GNAI1: variants seen among roughly 807,000 people sequenced by gnomAD.
GNAI1 encodes G protein subunit alpha i1.
A neutral mutation model predicts 38.9 loss-of-function variants in GNAI1; 11 were observed. The ratio of observed to expected loss-of-function variants is 0.28; its 90% CI spans 0.18 to 0.47. The LOEUF (loss-of-function observed/expected upper bound fraction) is 0.47, where lower values mean the gene tolerates loss of function less well. Ranked by LOEUF, GNAI1 falls within the 20% of genes least tolerant of loss-of-function variation. GNAI1 has a pLI of 0.99. For synonymous variants in GNAI1, 166 were observed against 145.1 expected, an observed-to-expected ratio of 1.14 and a Z score of -1.04; for missense variants, 317 against 436.9, an observed-to-expected ratio of 0.73 and a Z score of 2.45.
At chr7:80,204,974 C>T (rs1323474595) in intron 5 of GNAI1, among the ~76,000 whole-genome samples, 1 of 152,040 alleles carries the variant, frequency 6.6e-6, no homozygotes, top group African/African-American at 2.4e-5. Flanking sequence ...TATTTCAGTA[C>T]ATTGAAGCTA....
intron 5 of GNAI1, among the ~76,000 whole-genome samples, chr7:80,209,622 G>T (rs573690301): frequency 6.6e-6 from 1 of 152,254 alleles, no homozygotes; most frequent in South Asian, 2.1e-4. Flanking sequence ...GGAAATGTGG[G>T]CTAGGGTCAT....
intron 1 of GNAI1, among the ~76,000 whole-genome samples, chr7:80,148,320 C>A (rs1343696990): frequency 6.6e-6 from 1 of 151,854 alleles, no homozygotes; most frequent in Middle Eastern, 3.2e-3. Flanking sequence ...ATTAGCAGTC[C>A]CATCTGAAAT....
At chr7:80,210,459 G>A (rs143400262) in intron 5 of GNAI1, among the ~76,000 whole-genome samples, 1 of 152,118 alleles carries the variant, frequency 6.6e-6, no homozygotes, top group East Asian at 1.9e-4. Flanking sequence ...TACCTGAAAT[G>A]GTTTCTTCTT....
At chr7:80,150,260 A>G (rs913274031) in intron 1 of GNAI1, among the ~76,000 whole-genome samples, 1 of 152,224 alleles carries the variant, frequency 6.6e-6, no homozygotes, top group African/African-American at 2.4e-5. Context: ...CAAAATTTCA[A>G]AAGAACTAAA....
At chr7:80,135,648 A>AACC (rs1787396876) in intron 1 of GNAI1, 1 of 38,292 alleles carries the variant, frequency 2.6e-5, no homozygotes, top group Non-Finnish European at 4.6e-5. Flanking sequence ...AAATGAAAAC[A>AACC]CCCCCCCCCC....
chr7:80,225,556 A>G lies in GNAI1; in HGVS notation c.*8063A>G, dbSNP rs1403364046. On this transcript the variant is annotated 3_prime_UTR_variant, in exon 8 of 8. Coordinates refer to ENST00000649796, the MANE Select transcript of GNAI1 (RefSeq NM_002069.6). ...ACTGGGCTGAGCACAGTCATGCATT[A>G]AAAAAGCTTCTGAACTTATTTTGGA... 6.6e-6 allele frequency among the ~76,000 whole-genome samples: 1 copy of G among 152,122 alleles called. No homozygotes were observed. Among genetic ancestry groups the G allele is most frequent in the East Asian group, 1.9e-4 (1 of 5,190 alleles).
At chr7:80,195,118 A>G in intron 3 of GNAI1, among the ~76,000 whole-genome samples, 1 of 151,922 alleles carries the variant, frequency 6.6e-6, no homozygotes, top group East Asian at 1.9e-4. Context: ...TTCTCTTGTC[A>G]ATACCAGGAA....
intron 5 of GNAI1, among the ~76,000 whole-genome samples, chr7:80,208,053 A>G (rs1210672348): frequency 6.6e-6 from 1 of 152,102 alleles, no homozygotes; most frequent in African/African-American, 2.4e-5. Flanking sequence ...TTTGATATCC[A>G]TATATGGTTA....
chr7:80,218,978 G>A lies in GNAI1; in HGVS notation c.*1485G>A, dbSNP rs11767465. ...AAAGGTTAGTCTTTCAGTACACGTT[G>A]CTGGTAAGTAGTTTCCAAGTTACGT... On this transcript the variant is annotated 3_prime_UTR_variant, in exon 8 of 8. Transcript: ENST00000649796. 0.54 allele frequency: 81,424 copies of A among 151,608 alleles called. 22,915 individuals are homozygous for A. The highest frequency in any genetic ancestry group is 0.8 in the East Asian group (4,087 of 5,132). The allele number at this position is 151,608 out of a possible 1,614,324, so 9.4% of individuals were successfully genotyped here.
At chr7:80,162,568 A>G (rs900248740) in intron 1 of GNAI1, among the ~76,000 whole-genome samples, 1 of 152,206 alleles carries the variant, frequency 6.6e-6, no homozygotes, top group Non-Finnish European at 1.5e-5. Flanking sequence ...AATCAGCTGA[A>G]TTCTTTTCAG....
intron 3 of GNAI1, among the ~76,000 whole-genome samples, chr7:80,193,556 TGAAGTAAAATTTTA>T (rs1788517177): frequency 6.6e-6 from 1 of 152,198 alleles, no homozygotes; most frequent in African/African-American, 2.4e-5. Context: ...ATGTTTCTAA[TGAAGTAAAATTTTA>T]GAAGCTTTAC....
chr7:80,180,827 C>T (rs749544609), intron 1 of GNAI1, among the ~76,000 whole-genome samples: 29 of 152,134 alleles, frequency 1.9e-4, no homozygotes, highest in Non-Finnish European at 4.3e-4. Flanking sequence ...ATATGTTCTC[C>T]TGACTGGGCT....
chr7:80,205,733 G>T (rs186938168), intron 5 of GNAI1, among the ~76,000 whole-genome samples: 1 of 152,026 alleles, frequency 6.6e-6, no homozygotes, highest in African/African-American at 2.4e-5. Flanking sequence ...TACAAAAGCA[G>T]AAAGCAGAAT....
rs1789025450 is a variant in GNAI1, at chr7:80,219,025, ATTTG to A, written c.*1534_*1537del. 4.0e-5 allele frequency: 2 copies of A among 49,602 alleles called. No individual in the cohort carries two copies. The highest frequency in any genetic ancestry group is 1.8e-4 in the African/African-American group (2 of 11,052). The allele number at this position is 49,602 out of a possible 1,614,324, so 3.1% of individuals were successfully genotyped here. On this transcript the variant is annotated 3_prime_UTR_variant, in exon 8 of 8. Transcript: ENST00000649796. The stretch of plus-strand genomic sequence containing the variant: ...ACGTGTTGTCACTGGGTTGAAGTAT[ATTTG>A]TGTGTGTGTGTGTGTGTGTGTGTGT...
rs1250156874 is a variant in GNAI1, at chr7:80,186,117, C to T, written c.119-2834C>T. 1.7e-4 allele frequency among the ~76,000 whole-genome samples: 25 copies of T among 147,300 alleles called. 1 individual carries two copies. Among genetic ancestry groups the T allele is most frequent in the Non-Finnish European group, 5.9e-5 (4 of 67,494 alleles). On this transcript the variant is annotated intron_variant, in intron 1 of 7. Transcript: ENST00000649796. ...GCACAATCTCCGTTCACTGCAACCT[C>T]TGCCTCCCGGGTTCAAGCAGCTCTT...
chr7:80,185,579 C>G (rs1357242711), intron 1 of GNAI1, among the ~76,000 whole-genome samples: 1 of 152,162 alleles, frequency 6.6e-6, no homozygotes, highest in African/African-American at 2.4e-5. Context: ...TAGCCCCAAA[C>G]TCCTCAGGCA....
Position 80,223,336 on chromosome 7 carries a change from T to A in GNAI1, c.*5843T>A, listed in dbSNP as rs760255452. Among the ~76,000 whole-genome samples the A allele has an allele frequency of 2.6e-5, 4 of 152,254 alleles. No homozygotes were observed. The highest frequency in any genetic ancestry group is 5.9e-5 in the Non-Finnish European group (4 of 68,038). On this transcript the variant is annotated 3_prime_UTR_variant, in exon 8 of 8. Coordinates refer to ENST00000649796, the MANE Select transcript of GNAI1 (RefSeq NM_002069.6). ...TTTTTGCTAAATTAGACATACAATT[T>A]TGCAGTTATTTTTTACTAAGTTGAC...
chr7:80,150,044 G>A (rs747001011), intron 1 of GNAI1, among the ~76,000 whole-genome samples: 2 of 152,080 alleles, frequency 1.3e-5, no homozygotes, highest in South Asian at 2.1e-4. Flanking sequence ...CATCAGAACC[G>A]GACAATACCA....
chr7:80,202,258 T>G (rs1788701096), intron 4 of GNAI1, among the ~76,000 whole-genome samples: 1 of 152,050 alleles, frequency 6.6e-6, no homozygotes, highest in African/African-American at 2.4e-5. Context: ...TCCAGCTGAT[T>G]TTTGCATTTT....
Sources: allele counts gnomAD v4.1 joint callset (sites outside exome capture counted in the v4.1 genomes callset), GRCh38; gene constraint gnomAD v4.1.1; transcripts MANE v1.5; gene names NCBI Gene and HGNC (gene_info 2026-07-23, HGNC 2026-07-21).